PRKN: variants seen among roughly 807,000 people sequenced by gnomAD.
The protein encoded by PRKN is E3 ubiquitin-protein ligase parkin.
PRKN carries 56 observed loss-of-function variants against 59.5 expected under a neutral mutation model. The observed-to-expected ratio is 0.94, with a 90% CI of 0.76 to 1.18. PRKN has a LOEUF of 1.18. PRKN is among the 50% of genes most tolerant of loss of function. PRKN has a pLI of 0.00. For synonymous variants in PRKN, 250 were observed against 222.1 expected, an observed-to-expected ratio of 1.13 and a Z score of -1.12; for missense variants, 657 against 596.4, an observed-to-expected ratio of 1.10 and a Z score of -1.06.
chr6:162,437,592 C>T (rs1402183799), intron 2 of PRKN, among the ~76,000 whole-genome samples: 2 of 152,148 alleles, frequency 1.3e-5, no homozygotes, highest in Admixed American at 6.6e-5. Flanking sequence ...TGCTTCCACC[C>T]CCTTCAGAAC....
chr6:161,875,021 AG>A, intron 6 of PRKN, among the ~76,000 whole-genome samples: 1 of 108,482 alleles, frequency 9.2e-6, no homozygotes, highest in South Asian at 2.7e-4. Context: ...TTATATATAA[AG>A]TATATAATAT....
chr6:162,607,582 A>G (rs1781972597), intron 1 of PRKN, among the ~76,000 whole-genome samples: 1 of 152,080 alleles, frequency 6.6e-6, no homozygotes, highest in Non-Finnish European at 1.5e-5. Context: ...CTGTTTAAAA[A>G]CACATGGAAA....
intron 1 of PRKN, among the ~76,000 whole-genome samples, chr6:162,504,930 G>A (rs1793541448): frequency 1.3e-5 from 2 of 152,184 alleles, no homozygotes; most frequent in African/African-American, 2.4e-5. Flanking sequence ...ACCACTGGCC[G>A]TAAGGAAGAT....
rs949220238 is a variant in PRKN at position 161,413,035 on chromosome 6, T to C, written c.1084-26158A>G. Among the ~76,000 whole-genome samples the C allele has an allele frequency of 6.6e-6, 1 of 152,244 alleles. No homozygotes were observed. Among genetic ancestry groups the C allele is most frequent in the Non-Finnish European group, 1.5e-5 (1 of 68,036 alleles). On this transcript the variant is annotated intron_variant, in intron 9 of 11. Coordinates refer to ENST00000366898, the MANE Select transcript of PRKN (RefSeq NM_004562.3). The surrounding 1 kb of genome is among the most constrained non-coding windows in gnomAD (Gnocchi z 4.4). ...TGCTCTTGCCTGCCTTCCTGACTGC[T>C]GGACTAGAATCTCGCAGGGATTGAG...
chr6:162,166,986 A>C (rs1783018867), intron 4 of PRKN, among the ~76,000 whole-genome samples: 1 of 152,090 alleles, frequency 6.6e-6, no homozygotes, highest in Non-Finnish European at 1.5e-5. Context: ...AACCACCTGC[A>C]CCTAAAACAG....
intron 5 of PRKN, among the ~76,000 whole-genome samples, chr6:162,005,125 C>T (rs1260504143): frequency 2.0e-5 from 3 of 152,098 alleles, no homozygotes; most frequent in East Asian, 1.9e-4. Context: ...ATCGAGCTAA[C>T]GTTTAATATT....
intron 7 of PRKN, among the ~76,000 whole-genome samples, chr6:161,663,001 C>T (rs12528600): frequency 0.26 from 39,548 of 152,024 alleles, 5,498 homozygotes; most frequent in African/African-American, 0.36. Context: ...GGGTTTTTCC[C>T]GTGCTGTTGT....
chr6:161,902,268 T>C (rs1281196034), intron 6 of PRKN, among the ~76,000 whole-genome samples: 1 of 152,108 alleles, frequency 6.6e-6, no homozygotes, highest in Non-Finnish European at 1.5e-5. Context: ...ACTTGCAAGA[T>C]GTCAAAACGT....
At chr6:161,885,412 C>A (rs986020759) in intron 6 of PRKN, among the ~76,000 whole-genome samples, 1 of 152,036 alleles carries the variant, frequency 6.6e-6, no homozygotes, top group African/African-American at 2.4e-5. Flanking sequence ...AGCCTGTAAT[C>A]CCAGCACTTT....
At chr6:161,437,355 G>A (rs536213736) in intron 9 of PRKN, among the ~76,000 whole-genome samples, 1 of 152,332 alleles carries the variant, frequency 6.6e-6, no homozygotes, top group South Asian at 2.1e-4. Flanking sequence ...TCCACATCCA[G>A]GTGGGAGGGT....
intron 1 of PRKN, among the ~76,000 whole-genome samples, chr6:162,551,292 C>G (rs1010939563): frequency 6.6e-6 from 1 of 152,114 alleles, no homozygotes; most frequent in Non-Finnish European, 1.5e-5. Flanking sequence ...GAAAACTATA[C>G]CCAATTTCCA....
At chr6:162,631,593 C>A (rs185526424) in intron 1 of PRKN, among the ~76,000 whole-genome samples, 162 of 152,166 alleles carry the variant, frequency 1.1e-3, no homozygotes, top group Non-Finnish European at 1.9e-3. Context: ...GGATATTAGG[C>A]CTTTGTCAAA....
chr6:161,573,707 G>T (rs1221558299), intron 7 of PRKN, among the ~76,000 whole-genome samples: 6 of 105,366 alleles, frequency 5.7e-5, no homozygotes, highest in Non-Finnish European at 1.1e-4. Context: ...GCGACAGAGC[G>T]AGACTCCGTC....
At chr6:162,282,141 C>T (rs954054400) in intron 2 of PRKN, among the ~76,000 whole-genome samples, 2 of 152,134 alleles carry the variant, frequency 1.3e-5, no homozygotes, top group Non-Finnish European at 2.9e-5. Context: ...GGGTTGGAGA[C>T]CCCTGGTATA....
chr6:162,499,674 G>A (rs148370570), intron 1 of PRKN, among the ~76,000 whole-genome samples: 185 of 152,260 alleles, frequency 1.2e-3, no homozygotes, highest in African/African-American at 3.7e-3. Flanking sequence ...AGCTAAGGTG[G>A]TTGTCCAAAG....
intron 6 of PRKN, among the ~76,000 whole-genome samples, chr6:161,949,452 G>A (rs776328825): frequency 2.6e-5 from 4 of 151,992 alleles, no homozygotes; most frequent in African/African-American, 4.8e-5. Context: ...TGGAGGTTGC[G>A]GTGAGCCGAG....
rs150751546 is a variant in PRKN, at chr6:162,341,763, G to A, written c.172-78998C>T. 3.9e-3 allele frequency among the ~76,000 whole-genome samples: 598 copies of A among 152,148 alleles called. 5 individuals are homozygous for A. The highest frequency in any genetic ancestry group is 0.014 in the African/African-American group (575 of 41,516). Reference sequence around the variant, plus strand: ...CACACACTGGGGCCTGTCAGGGGGTGGGGGGATGGGAGTGGATAGCATTAG... The same window carrying A: ...CACACACTGGGGCCTGTCAGGGGGTAGGGGGATGGGAGTGGATAGCATTAG... On this transcript the variant is annotated intron_variant, in intron 2 of 11. Coordinates refer to ENST00000366898, the MANE Select transcript of PRKN (RefSeq NM_004562.3).
At chr6:161,780,847 C>A (rs183659633) in intron 7 of PRKN, among the ~76,000 whole-genome samples, 1 of 152,226 alleles carries the variant, frequency 6.6e-6, no homozygotes, top group East Asian at 1.9e-4. Context: ...TAAAGAAAAT[C>A]CAGTTTGTTC....
chr6:162,440,546 A>T (rs2128166545), intron 2 of PRKN, among the ~76,000 whole-genome samples: 1 of 152,266 alleles, frequency 6.6e-6, no homozygotes, highest in South Asian at 2.1e-4. Flanking sequence ...ATAATTATTG[A>T]CAGGGTCTTC....
Sources: gnomAD v4.1 joint callset for allele counts (sites outside exome capture counted in the v4.1 genomes callset) on GRCh38, gnomAD v4.1.1 for gene constraint, Gnocchi (gnomAD v3.1) non-coding constraint, MANE v1.5 for transcripts, NCBI Gene and HGNC (gene_info 2026-07-23, HGNC 2026-07-21) for gene names.